Variants in APBA1 observed in about 807,000 individuals in gnomAD.
APBA1 encodes the protein amyloid-beta A4 precursor protein-binding family A member 1.
A neutral mutation model predicts 86.6 loss-of-function variants in APBA1; 55 were observed. The observed-to-expected ratio is 0.64, with a 90% CI of 0.51 to 0.80. APBA1 has a LOEUF of 0.80. APBA1 is among the 30% of genes least tolerant of loss of function. The pLI, the probability that APBA1 is intolerant of heterozygous loss-of-function variation, is 0.00. For synonymous variants in APBA1, 511 were observed against 493.9 expected, an observed-to-expected ratio of 1.03 and a Z score of -0.46; for missense variants, 1,090 against 1,183.0, an observed-to-expected ratio of 0.92 and a Z score of 1.15.
chr9:69,617,378 A>G (rs1822722201), intron 1 of APBA1, among the ~76,000 whole-genome samples: 1 of 152,108 alleles, frequency 6.6e-6, no homozygotes, highest in South Asian at 2.1e-4. Context: ...CATGGAGGAG[A>G]AAATATATAC....
intron 1 of APBA1, among the ~76,000 whole-genome samples, chr9:69,628,689 G>A (rs546666777): frequency 7.9e-5 from 12 of 152,232 alleles, no homozygotes; most frequent in Non-Finnish European, 1.0e-4. Flanking sequence ...AAAATAATGG[G>A]CATAGTGACA....
intron 1 of APBA1, among the ~76,000 whole-genome samples, chr9:69,636,931 GAAAGAAA>G (rs1564099022): frequency 2.2e-5 from 3 of 133,970 alleles, no homozygotes; most frequent in Non-Finnish European, 4.8e-5. Flanking sequence ...AGGAAAGAAA[GAAAGAAA>G]GAAAGAAAGA....
intron 1 of APBA1, among the ~76,000 whole-genome samples, chr9:69,635,603 C>T (rs185878940): frequency 1.3e-5 from 2 of 151,898 alleles, no homozygotes; most frequent in East Asian, 1.9e-4. Flanking sequence ...AAAAGAAATA[C>T]ACTTCACCTA....
At chr9:69,657,658 AT>A (rs1054582006) in intron 1 of APBA1, among the ~76,000 whole-genome samples, 2 of 152,228 alleles carry the variant, frequency 1.3e-5, no homozygotes, top group Admixed American at 6.5e-5. Context: ...TATTAAGCCT[AT>A]TTTTTATGAA....
At chr9:69,661,583 G>A (rs1193876661) in intron 1 of APBA1, among the ~76,000 whole-genome samples, 1 of 142,468 alleles carries the variant, frequency 7.0e-6, no homozygotes, top group Non-Finnish European at 1.5e-5. Flanking sequence ...CGGTGCAACA[G>A]TACTATGGTC....
intron 1 of APBA1, among the ~76,000 whole-genome samples, chr9:69,617,082 C>T (rs946904000): frequency 6.6e-6 from 1 of 152,122 alleles, no homozygotes; most frequent in African/African-American, 2.4e-5. Context: ...ATCTGCCCAG[C>T]AACTGCCTGT....
Position 69,516,832 on chromosome 9 carries a change from C to T in APBA1, c.379G>A (p.Glu127Lys), listed in dbSNP as rs1313255393. The T allele has an allele frequency of 1.2e-6, 2 of 1,605,034 alleles. No individual in the cohort carries two copies. Among genetic ancestry groups the T allele is most frequent in the East Asian group, 2.2e-5 (1 of 44,832 alleles). Residue 127 changes from glutamate (E) to lysine (K), a missense_variant, in exon 2 of 13, where the codon GAG becomes AAG. Around this residue, in one of 6 missense-constraint regions of APBA1, gnomAD observed 678 missense variants for 647.1 expected, o/e 1.05. Coordinates refer to ENST00000265381, the MANE Select transcript of APBA1 (RefSeq NM_001163.4). The surrounding 1 kb of genome is among the most constrained non-coding windows in gnomAD (Gnocchi z 7.3). The stretch of plus-strand genomic sequence containing the variant: ...GCCTCTGCCTGCTCCGTGTACTCCT[C>T]GGCCTCGGGCCGGTACTGCACAGCA... Reference protein sequence around the residue: ...AYAVQYRPEAEEYTEQAEAEH... With the variant: ...AYAVQYRPEAKEYTEQAEAEH...
chr9:69,535,519 A>T (rs1836494898), intron 1 of APBA1, among the ~76,000 whole-genome samples: 2 of 152,182 alleles, frequency 1.3e-5, no homozygotes, highest in Non-Finnish European at 2.9e-5. Flanking sequence ...ACTCAATCTG[A>T]AGAGCTGTGT....
At chr9:69,634,890 A>C (rs1823124722) in intron 1 of APBA1, among the ~76,000 whole-genome samples, 1 of 152,194 alleles carries the variant, frequency 6.6e-6, no homozygotes, top group South Asian at 2.1e-4. Context: ...TCCTTCAAAC[A>C]TGAGGGAGAA....
chr9:69,465,663 T>C (rs1244703867), intron 5 of APBA1: 2 of 152,230 alleles, frequency 1.3e-5, no homozygotes, highest in African/African-American at 4.8e-5. Context: ...CGTAGCATTG[T>C]TTAGTCTCAA....
At chr9:69,505,753 C>T (rs892604512) in intron 2 of APBA1, among the ~76,000 whole-genome samples, 5 of 152,064 alleles carry the variant, frequency 3.3e-5, no homozygotes, top group African/African-American at 9.7e-5. Context: ...TGTGGTGGCT[C>T]ATGCCTGTAA....
chr9:69,592,835 T>C (rs1293149080), intron 1 of APBA1, among the ~76,000 whole-genome samples: 2 of 152,184 alleles, frequency 1.3e-5, no homozygotes, highest in Non-Finnish European at 2.9e-5. Context: ...AGAAGTAGTT[T>C]CTTATGTGAG....
At position 69,449,610 on chromosome 9, in the gene APBA1, G is replaced by C; in HGVS notation, c.2155C>G (p.Leu719Val). 6.2e-7 allele frequency: 1 copy of C among 1,613,932 alleles called. No individual in the cohort carries two copies. Among genetic ancestry groups the C allele is most frequent in the Non-Finnish European group, 8.5e-7 (1 of 1,179,988 alleles). ...TTAATAATGCTCTGGCAGGTGGACA[G>C]AGGCAGGCCCACCAGGCTGGTGCCA... is the stretch of plus-strand genomic sequence containing the variant. ...INGTSLVGLP[L>V]STCQSIIKGL... Residue 719 changes from leucine to valine, a missense_variant, in exon 10 of 13, where the codon CTG becomes GTG. Transcript: ENST00000265381.
intron 2 of APBA1, among the ~76,000 whole-genome samples, chr9:69,500,666 G>C (rs998600415): frequency 6.6e-6 from 1 of 152,026 alleles, no homozygotes. Flanking sequence ...TTAAACTCTG[G>C]TCCACAGCTT....
At chr9:69,530,271 A>G (rs543452410) in intron 1 of APBA1, among the ~76,000 whole-genome samples, 1 of 150,924 alleles carries the variant, frequency 6.6e-6, no homozygotes, top group South Asian at 2.1e-4. Context: ...GTGTCTATCA[A>G]TGGTTGACTG....
chr9:69,442,696 G>A (rs1164028139), intron 10 of APBA1, among the ~76,000 whole-genome samples: 2 of 152,246 alleles, frequency 1.3e-5, no homozygotes, highest in African/African-American at 4.8e-5. Flanking sequence ...AAGCATGCAT[G>A]AAGGGTGATC....
At chr9:69,610,239 G>C (rs1192181290) in intron 1 of APBA1, among the ~76,000 whole-genome samples, 1 of 152,124 alleles carries the variant, frequency 6.6e-6, no homozygotes, top group Non-Finnish European at 1.5e-5. Flanking sequence ...AGGATTACTT[G>C]AGCCTAGGAG....
At chr9:69,640,699 C>G (rs1022160766) in intron 1 of APBA1, among the ~76,000 whole-genome samples, 3 of 151,996 alleles carry the variant, frequency 2.0e-5, no homozygotes, top group African/African-American at 7.2e-5. Context: ...CTCACCATCT[C>G]AATACGTTCA....
chr9:69,521,791 C>G (rs1309654959), intron 1 of APBA1, among the ~76,000 whole-genome samples: 1 of 151,976 alleles, frequency 6.6e-6, no homozygotes, highest in African/African-American at 2.4e-5. Context: ...CAGCTGTGTT[C>G]AAGGACAGAA....
Sources: allele counts gnomAD v4.1 joint callset (sites outside exome capture counted in the v4.1 genomes callset), GRCh38; gene constraint gnomAD v4.1.1; regional missense constraint gnomAD v4.1.1; non-coding constraint Gnocchi (gnomAD v3.1); transcripts MANE v1.5; gene names NCBI Gene and HGNC (gene_info 2026-07-23, HGNC 2026-07-21).